TTN: variants seen among roughly 807,000 people sequenced by gnomAD.
TTN encodes the protein titin.
Under a neutral mutation model 3,223.0 loss-of-function variants are expected in TTN, and 1,525 were observed. The observed-to-expected ratio is 0.47, with a 90% confidence interval of 0.45 to 0.49. The LOEUF (loss-of-function observed/expected upper bound fraction) is 0.49, where lower values mean the gene tolerates loss of function less well. Ranked by LOEUF, TTN falls within the 20% of genes least tolerant of loss-of-function variation. The probability of loss-of-function intolerance (pLI) is 0.00; values close to 1 mark genes in which losing one functional copy is unlikely to be tolerated. For missense variants in TTN, 40,786 were observed against 43,424.0 expected (o/e 0.94, Z 5.40); for synonymous variants, 14,094 against 15,161.0 (o/e 0.93, Z 5.17).
chr2:178,763,628 G>A (rs1053583453), intron 43 of TTN, among the ~76,000 whole-genome samples: 1 of 152,082 alleles, frequency 6.6e-6, no homozygotes, highest in Non-Finnish European at 1.5e-5. Flanking sequence ...ATGTATTCAT[G>A]ACAGAAGGAG....
intron 105 of TTN, 28 bp from the exon 106 acceptor site, chr2:178,704,435 G>A (rs765761536): frequency 6.2e-7 from 1 of 1,606,118 alleles, no homozygotes; most frequent in African/African-American, 1.3e-5. Flanking sequence ...CACGCATTTT[G>A]TTCAATATCA....
intron 359 of TTN, 69 bp downstream of exon 359, chr2:178,529,891 G>A: frequency 6.8e-7 from 1 of 1,465,722 alleles, no homozygotes. Flanking sequence ...ATATAAGGGG[G>A]GATGTTTGAA....
At position 178,557,525 on chromosome 2, in the gene TTN, A is replaced by G; in HGVS notation, c.87737T>C (p.Val29246Ala). 1 of 1,613,918 alleles carries G rather than the reference A, an allele frequency of 6.2e-7. No individual in the cohort carries two copies. The highest frequency in any genetic ancestry group is 1.1e-5 in the South Asian group (1 of 91,084). ...GATGCTTTCTCGAGTAACATTAGTG[A>G]CCCATGGTGTAGATGGTGGTCCAGG... ...TTPGPPSTPW[V>A]TNVTRESITV... is the part of the protein sequence containing the mutation. The change falls in exon 329 of 363, where the codon GTC becomes GCC. Residue 29246 changes from valine (V) to alanine (A), a missense_variant. By Grantham distance (64) the Val-to-Ala change is moderately conservative. Coordinates refer to ENST00000589042, the MANE Select transcript of TTN (RefSeq NM_001267550.2).
At chr2:178,606,568 T>C (rs867918938) in intron 278 of TTN, among the ~76,000 whole-genome samples, 52 of 152,084 alleles carry the variant, frequency 3.4e-4, no homozygotes, top group Middle Eastern at 6.8e-3. Flanking sequence ...GTTTCTGGTT[T>C]TGGGCCTCTC....
intron 336 of TTN, 200 bp downstream of exon 336, chr2:178,550,767 T>C (rs1331246105): frequency 1.7e-6 from 1 of 591,416 alleles, no homozygotes; most frequent in Non-Finnish European, 2.9e-6. Context: ...TATATGGGAA[T>C]GGAGTGAAAT....
Position 178,722,118 on chromosome 2 carries a change from G to A in TTN, c.22545C>T (p.Pro7515=). 1 of 1,566,724 alleles carries A rather than the reference G, an allele frequency of 6.4e-7. No homozygotes were observed. Among genetic ancestry groups the A allele is most frequent in the South Asian group, 1.2e-5 (1 of 82,152 alleles). Residue 7515 remains proline (P), a synonymous_variant, in exon 78 of 363, where the codon CCC becomes CCT. Transcript: ENST00000589042. The stretch of plus-strand genomic sequence containing the variant: ...TAGATACAGGCTTGATGTCAAAGAA[G>A]GGAGATTTCTTGGGTTCTGGAGGAT... ...RLTAREPKKS[P]FFDIKPVSID...
At position 178,530,038 on chromosome 2, in the gene TTN, A is replaced by T; in HGVS notation, c.106453T>A (p.Ser35485Thr). The T allele has an allele frequency of 6.2e-7, 1 of 1,610,540 alleles. No homozygotes were observed. The highest frequency in any genetic ancestry group is 8.5e-7 in the Non-Finnish European group (1 of 1,179,042). The change falls in exon 359 of 363, where the codon TCT (serine) becomes ACT (threonine). Residue 35485 changes from serine (S) to threonine (T), a missense_variant. Ser to Thr is a moderately conservative substitution (Grantham distance 58). Coordinates refer to ENST00000589042, the MANE Select transcript of TTN (RefSeq NM_001267550.2). ...FFLEIHKTDT[S>T]DSGLYTCTVK... ...GTACAAGTATAAAGTCCACTGTCAGAAGTATCAGTCTTATGAATTTCTAAG... is the reference window on the plus strand; with the variant it reads ...GTACAAGTATAAAGTCCACTGTCAGTAGTATCAGTCTTATGAATTTCTAAG...
intron 98 of TTN, among the ~76,000 whole-genome samples, 189 bp downstream of exon 98, chr2:178,710,446 C>T (rs1279842522): frequency 2.0e-5 from 3 of 152,042 alleles, no homozygotes; most frequent in Admixed American, 1.3e-4. Context: ...GATCCTGTCT[C>T]GAGGAAAGAA....
chr2:178,749,649 C>A (rs1407211380), intron 47 of TTN: 7 of 1,612,624 alleles, frequency 4.3e-6, no homozygotes, highest in African/African-American at 1.3e-5. Flanking sequence ...CTATAAGTGA[C>A]AGGCTCCACT....
At position 178,537,722 on chromosome 2, in the gene TTN, G is replaced by A; in HGVS notation, c.99485C>T (p.Thr33162Ile). 1 of 1,613,734 alleles carries A rather than the reference G, an allele frequency of 6.2e-7. No individual in the cohort carries two copies. The highest frequency in any genetic ancestry group is 8.5e-7 in the Non-Finnish European group (1 of 1,179,748). ...DGRTHTLTVM[T>I]EEQEDEGVYT... ...AACACCTTCATCTTCCTGTTCCTCT[G>A]TCATTACTGTAAGAGTGTGTGTGCG... is the stretch of plus-strand genomic sequence containing the variant. The change falls in exon 355 of 363, where the codon ACA (threonine) becomes ATA (isoleucine). Residue 33162 changes from threonine (T) to isoleucine (I), a missense_variant. Thr to Ile is a moderately conservative substitution (Grantham distance 89). Transcript: ENST00000589042.
chr2:178,756,648 C>A lies in TTN; in HGVS notation c.10828G>T (p.Val3610Leu). Residue 3610 changes from valine to leucine, a missense_variant, in exon 46 of 363, where the codon GTG becomes TTG. Transcript: ENST00000589042. ...TGAGATACACTTTCAAAAACCTGCA[C>A]TTCATATTCATATGATGATCCTTGA... ...SFQGSSYEYE[V>L]QVFESVSQSS... is the part of the protein sequence containing the mutation. The A allele has an allele frequency of 6.2e-7, 1 of 1,613,832 alleles. No individual in the cohort carries two copies. The highest frequency in any genetic ancestry group is 8.5e-7 in the Non-Finnish European group (1 of 1,179,798).
chr2:178,624,217 CAGTG>C (rs1223048473), intron 242 of TTN, among the ~76,000 whole-genome samples: 2 of 151,940 alleles, frequency 1.3e-5, no homozygotes, highest in Admixed American at 6.6e-5. Flanking sequence ...ACTCACTACT[CAGTG>C]AGAGAAAAGA....
At position 178,532,869 on chromosome 2, in the gene TTN, C is replaced by T; in HGVS notation, c.103746G>A (p.Gly34582=). 2 of 1,613,948 alleles carry T rather than the reference C, an allele frequency of 1.2e-6. No individual in the cohort carries two copies. The highest frequency in any genetic ancestry group is 1.1e-5 in the South Asian group (1 of 91,072). ...KKIRDQYEMP[G]KLDRVVQKRP... ...GTTTCTGTACAACTCTGTCAAGTTT[C>T]CCAGGCATTTCATACTGATCACGTA... The change falls in exon 358 of 363, where the codon GGG becomes GGA. Residue 34582 remains glycine, a synonymous_variant. Transcript: ENST00000589042.
chr2:178,694,114 T>A, intron 117 of TTN, 106 bp from the exon 118 acceptor site: 1 of 812,844 alleles, frequency 1.2e-6, no homozygotes, highest in Non-Finnish European at 1.9e-6. Flanking sequence ...ATGAGTGGGT[T>A]AATATGGTAG....
chr2:178,763,224 C>T (rs2089661413), intron 43 of TTN, among the ~76,000 whole-genome samples: 2 of 152,144 alleles, frequency 1.3e-5, no homozygotes, highest in South Asian at 2.1e-4. Flanking sequence ...TATATTGTCT[C>T]ATTCTACCAA....
At position 178,590,008 on chromosome 2, in the gene TTN, A is replaced by G. The variant is rs780691741; in HGVS notation, c.61717T>C (p.Cys20573Arg). Residue 20573 changes from cysteine (C) to arginine (R), a missense_variant, in exon 304 of 363, where the codon TGC (cysteine) becomes CGC (arginine). By Grantham distance (180) the Cys-to-Arg change is radical. Coordinates refer to ENST00000589042, the MANE Select transcript of TTN (RefSeq NM_001267550.2). ...ACATTGGTAACCTTCAAATTCTGGC[A>G]AGGCCCAGGTCTGTCAAGGACGTTA... ...IVNVLDRPGP[C>R]QNLKVTNVTK... 3 of 1,613,230 alleles carry G rather than the reference A, an allele frequency of 1.9e-6. No individual in the cohort carries two copies. The highest frequency in any genetic ancestry group is 2.5e-6 in the Non-Finnish European group (3 of 1,179,508).
At chr2:178,688,559 C>T in intron 126 of TTN, 118 bp downstream of exon 126, 1 of 752,928 alleles carries the variant, frequency 1.3e-6, no homozygotes, top group East Asian at 2.6e-5. Flanking sequence ...CTAATACCAA[C>T]ATAAGGAGAA....
chr2:178,698,852 G>T lies in TTN; in HGVS notation c.30745C>A (p.Pro10249Thr), dbSNP rs2074207470. 3 of 1,544,342 alleles carry T rather than the reference G, an allele frequency of 1.9e-6. No individual in the cohort carries two copies. Among genetic ancestry groups the T allele is most frequent in the African/African-American group, 1.4e-5 (1 of 72,314 alleles). The change falls in exon 112 of 363, where the codon CCA becomes ACA. Residue 10249 changes from proline to threonine, a missense_variant. Physicochemically the swap from Pro to Thr is conservative, Grantham distance 38 (BLOSUM62 -1). Coordinates refer to ENST00000589042, the MANE Select transcript of TTN (RefSeq NM_001267550.2). ...KVVAKPKEMTPREEIVKKPPP... is the reference protein window; with the variant it reads ...KVVAKPKEMTTREEIVKKPPP... Reference sequence around the variant, plus strand: ...TGATTAATTATAATACCTTCACGTGGTGTCATCTCTTTGGGCTTTGCAACA... The same window carrying T: ...TGATTAATTATAATACCTTCACGTGTTGTCATCTCTTTGGGCTTTGCAACA...
In TTN at chr2:178,531,327, A is replaced by G; in HGVS notation, c.105288T>C (p.Tyr35096=). The G allele has an allele frequency of 1.9e-6, 3 of 1,614,008 alleles. No homozygotes were observed. Among genetic ancestry groups the G allele is most frequent in the South Asian group, 1.1e-5 (1 of 91,082 alleles). The change falls in exon 358 of 363, where the codon TAT becomes TAC. Residue 35096 remains tyrosine (Y), a synonymous_variant. Transcript: ENST00000589042. ...TCATTTCTGCAGATGCAGAGTGTTC[A>G]TATGAGGAGAGACTTTCCCTTGTCT... ...MTETRESLSS[Y]EHSASAEMKS...
Sources: gnomAD v4.1 joint callset for allele counts (sites outside exome capture counted in the v4.1 genomes callset) on GRCh38, gnomAD v4.1.1 for gene constraint, MANE v1.5 for transcripts, NCBI Gene and HGNC (gene_info 2026-07-23, HGNC 2026-07-21) for gene names.